The following PTPRT variants were observed in gnomAD, a reference collection of about 807,000 sequenced individuals.
PTPRT encodes receptor-type tyrosine-protein phosphatase T.
Under a neutral mutation model 176.8 loss-of-function variants are expected in PTPRT, and 56 were observed. The observed-to-expected ratio is 0.32, with a 90% CI of 0.26 to 0.40. The LOEUF (loss-of-function observed/expected upper bound fraction) is 0.40, where lower values mean the gene tolerates loss of function less well. Ranked by LOEUF, PTPRT falls within the 10% of genes least tolerant of loss-of-function variation. The pLI is 1.00. For synonymous variants in PTPRT, 783 were observed against 739.0 expected (o/e 1.06, Z -0.96); for missense variants, 1,540 against 1,908.2 (o/e 0.81, Z 3.60).
intron 1 of PTPRT, among the ~76,000 whole-genome samples, chr20:42,929,430 T>TA (rs1211645075): frequency 4.6e-5 from 7 of 152,268 alleles, no homozygotes; most frequent in Admixed American, 3.3e-4. Context: ...CAGAGGTGTA[T>TA]AAATATGAAT....
Position 42,843,925 on chromosome 20 carries a change from T to G in PTPRT, c.214+41882A>C, listed in dbSNP as rs2078323969. Among the ~76,000 whole-genome samples, 6 of 152,324 alleles carry G rather than the reference T, an allele frequency of 3.9e-5. No homozygotes were observed. In the South Asian group the frequency reaches 1.2e-3, roughly 32 times the overall value. On this transcript the variant is annotated intron_variant, in intron 2 of 30. Transcript: ENST00000373187. ...AAATAATGCATGCGAGTGTGTTGCA[T>G]GGAAAATCTCAGAAACTTGGCCAAG... is the stretch of plus-strand genomic sequence containing the variant.
At chr20:42,757,688 T>A (rs2076855536) in intron 5 of PTPRT, among the ~76,000 whole-genome samples, 1 of 152,256 alleles carries the variant, frequency 6.6e-6, no homozygotes, top group South Asian at 2.1e-4. Flanking sequence ...TGTTCATCTT[T>A]AGAAGCTTGT....
chr20:42,966,370 T>C (rs2146050842), intron 1 of PTPRT: 1 of 152,338 alleles, frequency 6.6e-6, no homozygotes, highest in Admixed American at 6.5e-5. Flanking sequence ...TATTTCTATG[T>C]CTATTTTTGT....
At chr20:42,833,591 A>G (rs1450245202) in intron 2 of PTPRT, among the ~76,000 whole-genome samples, 1 of 151,712 alleles carries the variant, frequency 6.6e-6, no homozygotes, top group Non-Finnish European at 1.5e-5. Context: ...TCATTTAAGG[A>G]AAAAAAGACT....
At chr20:42,372,773 G>A (rs939786614) in intron 9 of PTPRT, among the ~76,000 whole-genome samples, 2 of 152,102 alleles carry the variant, frequency 1.3e-5, no homozygotes, top group Non-Finnish European at 2.9e-5. Context: ...ACCCCAGAGA[G>A]ACACCTTTCC....
At chr20:42,571,548 C>T (rs2073154210) in intron 7 of PTPRT, among the ~76,000 whole-genome samples, 1 of 152,212 alleles carries the variant, frequency 6.6e-6, no homozygotes, top group South Asian at 2.1e-4. Flanking sequence ...TAATTTGCTA[C>T]AGCAGCAAGA....
chr20:43,121,035 A>T (rs2013239664), intron 1 of PTPRT, among the ~76,000 whole-genome samples: 1 of 151,828 alleles, frequency 6.6e-6, no homozygotes, highest in South Asian at 2.1e-4. Context: ...TTCTCCCAGG[A>T]TAATTGCTGT....
intron 1 of PTPRT, among the ~76,000 whole-genome samples, chr20:42,932,938 T>A (rs536364382): frequency 4.7e-4 from 71 of 152,308 alleles, no homozygotes; most frequent in Admixed American, 9.2e-4. Context: ...GCAGCATTGG[T>A]CAGCCTGCCC....
At chr20:42,687,260 T>C (rs1490711841) in intron 6 of PTPRT, 1 of 152,114 alleles carries the variant, frequency 6.6e-6, no homozygotes, top group Non-Finnish European at 1.5e-5. Flanking sequence ...CAGTCTACAG[T>C]CATGTCAGTG....
chr20:42,613,841 A>T lies in PTPRT; in HGVS notation c.1153+64025T>A, dbSNP rs545494112. Among the ~76,000 whole-genome samples, 3 of 152,282 alleles carry T rather than the reference A, an allele frequency of 2.0e-5. No individual in the cohort carries two copies. The South Asian group carries it at 6.2e-4, about 32-fold the overall frequency. ...TGAATATTTCTTGAGCTATCTCTTT[A>T]ATAATACTTTTAGAATGTGCTTTCA... On this transcript the variant is annotated intron_variant, in intron 7 of 30. Coordinates refer to ENST00000373187, the MANE Select transcript of PTPRT (RefSeq NM_007050.6).
intron 1 of PTPRT, among the ~76,000 whole-genome samples, chr20:42,901,517 C>T (rs2079403361): frequency 6.6e-6 from 1 of 152,148 alleles, no homozygotes; most frequent in Admixed American, 6.5e-5. Flanking sequence ...TACTTAACAC[C>T]CGCAATCCCA....
chr20:42,093,976 G>A (rs903730480), intron 27 of PTPRT, among the ~76,000 whole-genome samples: 1 of 152,224 alleles, frequency 6.6e-6, no homozygotes, highest in African/African-American at 2.4e-5. Context: ...GTACTTCTGA[G>A]CCTGATGTTT....
rs377685868 is a variant in PTPRT, at chr20:43,090,329, G to A, written c.88+99317C>T. 3.6e-3 allele frequency among the ~76,000 whole-genome samples: 544 copies of A among 150,796 alleles called. 4 individuals carry two copies. Among genetic ancestry groups the A allele is most frequent in the African/African-American group, 0.013 (523 of 40,964 alleles). On this transcript the variant is annotated intron_variant, in intron 1 of 30. Transcript: ENST00000373187. ...GTCGCCCAGGCTGGAGTGCAGTGGC[G>A]CCATCTCAGCTCACTGCAAGCTCCG...
intron 19 of PTPRT, among the ~76,000 whole-genome samples, chr20:42,121,397 T>C (rs1356593587): frequency 1.3e-5 from 2 of 152,164 alleles, no homozygotes; most frequent in Non-Finnish European, 2.9e-5. Context: ...AAACACTCCC[T>C]ACTAAGCTTA....
intron 19 of PTPRT, among the ~76,000 whole-genome samples, chr20:42,123,309 A>G (rs567499727): frequency 1.2e-4 from 19 of 152,360 alleles, no homozygotes; most frequent in African/African-American, 4.6e-4. Context: ...TTGTGAATTC[A>G]TTTGTTTGCA....
intron 1 of PTPRT, among the ~76,000 whole-genome samples, chr20:43,180,877 T>G (rs1297899813): frequency 6.6e-6 from 1 of 152,194 alleles, no homozygotes; most frequent in Non-Finnish European, 1.5e-5. Context: ...AACTTCCTTG[T>G]GCAATTCCTT....
chr20:42,679,530 GAGA>G (rs2075566359), intron 6 of PTPRT, among the ~76,000 whole-genome samples: 1 of 152,028 alleles, frequency 6.6e-6, no homozygotes, highest in African/African-American at 2.4e-5. Context: ...GAGAAAATAT[GAGA>G]AGAAATGGAA....
intron 9 of PTPRT, among the ~76,000 whole-genome samples, chr20:42,416,628 G>A (rs1210252624): frequency 6.6e-6 from 1 of 152,160 alleles, no homozygotes; most frequent in Non-Finnish European, 1.5e-5. Context: ...GACTCTGGCT[G>A]TATCTGCTTT....
chr20:43,114,862 T>C (rs1244151827), intron 1 of PTPRT, among the ~76,000 whole-genome samples: 1 of 152,110 alleles, frequency 6.6e-6, no homozygotes, highest in Non-Finnish European at 1.5e-5. Flanking sequence ...AATAAGTAAG[T>C]TGAATATTAA....
Sources: gnomAD v4.1 joint callset for allele counts (sites outside exome capture counted in the v4.1 genomes callset) on GRCh38, gnomAD v4.1.1 for gene constraint, MANE v1.5 for transcripts, NCBI Gene and HGNC (gene_info 2026-07-23, HGNC 2026-07-21) for gene names.